The following SHC4 variants were observed in gnomAD, a reference collection of about 807,000 sequenced individuals.
SHC4 encodes the protein SHC-transforming protein 4.
In SHC4, 41 loss-of-function variants were observed where a neutral mutation model predicts 69.4. The observed-to-expected ratio is 0.59, with a 90% CI of 0.46 to 0.77. SHC4 has a LOEUF of 0.77. SHC4 is among the 30% of genes least tolerant of loss of function. SHC4 has a pLI of 0.00. For missense variants in SHC4, 777 were observed against 783.8 expected, an observed-to-expected ratio of 0.99 and a Z score of 0.10; for synonymous variants, 318 against 299.3, an observed-to-expected ratio of 1.06 and a Z score of -0.64.
At chr15:48,845,770 G>T (rs1029716673) in intron 9 of SHC4, among the ~76,000 whole-genome samples, 2 of 152,006 alleles carry the variant, frequency 1.3e-5, no homozygotes, top group Non-Finnish European at 2.9e-5. Context: ...ATTATCTAAT[G>T]ATAGCATCCA....
chr15:48,930,555 T>C (rs1329494948), intron 1 of SHC4, among the ~76,000 whole-genome samples: 3 of 152,224 alleles, frequency 2.0e-5, no homozygotes, highest in African/African-American at 7.2e-5. Flanking sequence ...GAGGATCACT[T>C]GAGCCCAGGA....
At chr15:48,905,668 A>G (rs1373792848) in intron 2 of SHC4, among the ~76,000 whole-genome samples, 1 of 152,250 alleles carries the variant, frequency 6.6e-6, no homozygotes, top group Non-Finnish European at 1.5e-5. Context: ...TCATTCAGCA[A>G]TCAGAGCTAA....
At chr15:48,873,017 C>A (rs1899716642) in intron 4 of SHC4, among the ~76,000 whole-genome samples, 1 of 152,144 alleles carries the variant, frequency 6.6e-6, no homozygotes, top group Non-Finnish European at 1.5e-5. Context: ...ATATCCAACA[C>A]AATTGTGTAA....
intron 4 of SHC4, among the ~76,000 whole-genome samples, chr15:48,875,381 C>G (rs903306262): frequency 6.6e-6 from 1 of 152,178 alleles, no homozygotes; most frequent in Non-Finnish European, 1.5e-5. Flanking sequence ...AGTGGCTAAC[C>G]ACATTGCTAA....
intron 4 of SHC4, among the ~76,000 whole-genome samples, chr15:48,873,695 C>G (rs1899739329): frequency 6.6e-6 from 1 of 151,900 alleles, no homozygotes; most frequent in Non-Finnish European, 1.5e-5. Flanking sequence ...GAGCTGAGAT[C>G]ATGCCACTGC....
intron 4 of SHC4, among the ~76,000 whole-genome samples, chr15:48,882,367 C>T (rs1283483152): frequency 6.6e-6 from 1 of 152,154 alleles, no homozygotes; most frequent in Non-Finnish European, 1.5e-5. Context: ...GGGCTGAATA[C>T]AACCCATTCC....
chr15:48,961,052 ATTC>A (rs1357691885), intron 1 of SHC4, among the ~76,000 whole-genome samples: 5 of 152,164 alleles, frequency 3.3e-5, no homozygotes, highest in African/African-American at 4.8e-5. Context: ...GGCTTCTCTC[ATTC>A]TTCTGTCACA....
intron 2 of SHC4, among the ~76,000 whole-genome samples, chr15:48,902,258 C>T (rs554885419): frequency 2.0e-5 from 3 of 151,680 alleles, no homozygotes; most frequent in Admixed American, 6.6e-5. Context: ...ACCTATTACC[C>T]AGCAAAGTAT....
intron 2 of SHC4, among the ~76,000 whole-genome samples, chr15:48,916,737 G>C (rs1211833452): frequency 6.6e-6 from 1 of 152,126 alleles, no homozygotes; most frequent in Non-Finnish European, 1.5e-5. Flanking sequence ...TAGACCCCCA[G>C]GGTGGCAATC....
chr15:48,924,963 A>G lies in SHC4; in HGVS notation c.586-14T>C, dbSNP rs759062862. 1.9e-5 allele frequency: 30 copies of G among 1,612,040 alleles called. No homozygotes were observed. In the Middle Eastern group the frequency reaches 3.0e-3, roughly 159 times the overall value. On this transcript the variant is annotated splice_polypyrimidine_tract_variant and intron_variant, in intron 1 of 11. Coordinates refer to ENST00000332408, the MANE Select transcript of SHC4 (RefSeq NM_203349.4). Reference sequence around the variant, plus strand: ...ACAGCCCATGTACTACAATAAGAAGAAAAAAAAGAAGAAGTAGGACAAAAA... The same window carrying G: ...ACAGCCCATGTACTACAATAAGAAGGAAAAAAAGAAGAAGTAGGACAAAAA...
intron 1 of SHC4, among the ~76,000 whole-genome samples, chr15:48,934,160 G>T (rs914744015): frequency 4.6e-5 from 7 of 151,950 alleles, no homozygotes; most frequent in African/African-American, 1.7e-4. Context: ...TCAGAGAATG[G>T]GAGAAAATAT....
intron 10 of SHC4, among the ~76,000 whole-genome samples, chr15:48,839,595 C>T (rs1287707792): frequency 6.6e-6 from 1 of 152,206 alleles, no homozygotes; most frequent in East Asian, 1.9e-4. Context: ...ATTTGGTCAT[C>T]GTTGTGGACC....
chr15:48,833,202 T>G (rs1455303265), intron 11 of SHC4, among the ~76,000 whole-genome samples: 1 of 152,180 alleles, frequency 6.6e-6, no homozygotes, highest in South Asian at 2.1e-4. Context: ...CCAGCCCAAA[T>G]AGAGATTCTG....
At chr15:48,936,214 TAAA>T (rs746207816) in intron 1 of SHC4, among the ~76,000 whole-genome samples, 14 of 152,220 alleles carry the variant, frequency 9.2e-5, no homozygotes, top group Non-Finnish European at 1.9e-4. Context: ...GCTCCAGGTT[TAAA>T]AGCCTGAAAA....
Position 48,851,255 on chromosome 15 carries a change from G to A in SHC4, c.1243-7C>T, listed in dbSNP as rs756940579. ...TGCACTTGGAGTTTCCAGGCTGCAT[G>A]AACAACAAATTATGAAACATTTACA... is the stretch of plus-strand genomic sequence containing the variant. On this transcript the variant is annotated splice_polypyrimidine_tract_variant and splice_region_variant and intron_variant, in intron 8 of 11. Transcript: ENST00000332408. The A allele has an allele frequency of 6.2e-7, 1 of 1,613,756 alleles. No individual in the cohort carries two copies. Among genetic ancestry groups the A allele is most frequent in the East Asian group, 2.2e-5 (1 of 44,868 alleles).
chr15:48,856,357 C>T (rs953859007), intron 7 of SHC4, among the ~76,000 whole-genome samples: 3 of 152,146 alleles, frequency 2.0e-5, no homozygotes, highest in African/African-American at 7.2e-5. Flanking sequence ...AAGGGTGATG[C>T]TTTTGTGTCT....
chr15:48,867,080 G>A (rs1057502303), intron 6 of SHC4, among the ~76,000 whole-genome samples: 1 of 152,190 alleles, frequency 6.6e-6, no homozygotes, highest in Non-Finnish European at 1.5e-5. Flanking sequence ...ACAGGTTCCT[G>A]CCCTCATGAA....
At chr15:48,874,158 C>T (rs1041449788) in intron 4 of SHC4, among the ~76,000 whole-genome samples, 3 of 152,076 alleles carry the variant, frequency 2.0e-5, no homozygotes, top group Non-Finnish European at 2.9e-5. Context: ...GAAGAGTTAG[C>T]GCAGTTTTTT....
intron 1 of SHC4, among the ~76,000 whole-genome samples, chr15:48,929,083 C>T (rs1900907290): frequency 6.6e-6 from 1 of 152,202 alleles, no homozygotes; most frequent in East Asian, 1.9e-4. Flanking sequence ...CACAATTACC[C>T]CAAAGACAAG....
Sources: gnomAD v4.1 joint callset for allele counts (sites outside exome capture counted in the v4.1 genomes callset) on GRCh38, gnomAD v4.1.1 for gene constraint, MANE v1.5 for transcripts, NCBI Gene and HGNC (gene_info 2026-07-23, HGNC 2026-07-21) for gene names.